Variants in CPEB3 observed in about 807,000 individuals in gnomAD.
The protein encoded by CPEB3 is cytoplasmic polyadenylation element-binding protein 3.
In CPEB3, 20 loss-of-function variants were observed where a neutral mutation model predicts 67.2. The ratio of observed to expected loss-of-function variants is 0.30; its 90% CI spans 0.21 to 0.43. The LOEUF is 0.43. Among genes scored for constraint, CPEB3 ranks in the 20% least tolerant of loss-of-function variants. The pLI is 1.00. For synonymous variants in CPEB3, 376 were observed against 393.1 expected, an observed-to-expected ratio of 0.96 and a Z score of 0.51; for missense variants, 746 against 968.6, an observed-to-expected ratio of 0.77 and a Z score of 3.05.
intron 1 of CPEB3, among the ~76,000 whole-genome samples, chr10:92,289,927 G>C (rs1564937077): frequency 9.4e-6 from 1 of 106,320 alleles, no homozygotes; most frequent in African/African-American, 5.1e-5. Context: ...TATGTGTGTG[G>C]TGGGGGGGGG....
At chr10:92,269,800 C>A (rs1333568709) in intron 1 of CPEB3, among the ~76,000 whole-genome samples, 1 of 152,038 alleles carries the variant, frequency 6.6e-6, no homozygotes, top group Non-Finnish European at 1.5e-5. Context: ...TCAGGTGATC[C>A]GCCCACCTCA....
rs1025247323 is a variant in CPEB3, at chr10:92,224,966, T to C, written c.1005+14380A>G. 5.4e-5 allele frequency among the ~76,000 whole-genome samples: 8 copies of C among 148,542 alleles called. No homozygotes were observed. The East Asian group carries it at 1.6e-3, about 29-fold the overall frequency. On this transcript the variant is annotated intron_variant, in intron 2 of 9. Coordinates refer to ENST00000265997, the MANE Select transcript of CPEB3 (RefSeq NM_014912.5). ...ATTTAAAAAAATGAACCCTACCCCA[T>C]TTTCTTTCTTTTTTTTTTTTATTTT... is the stretch of plus-strand genomic sequence containing the variant.
At chr10:92,147,215 G>A (rs1017383027) in intron 4 of CPEB3, among the ~76,000 whole-genome samples, 3 of 152,150 alleles carry the variant, frequency 2.0e-5, no homozygotes, top group Non-Finnish European at 4.4e-5. Context: ...CAGCACTTTG[G>A]GAGGCCGAGG....
intron 1 of CPEB3, among the ~76,000 whole-genome samples, chr10:92,258,458 T>C (rs1402044295): frequency 1.3e-5 from 2 of 151,612 alleles, no homozygotes; most frequent in Admixed American, 6.6e-5. Flanking sequence ...CATATGATAA[T>C]GAAATAGTGC....
chr10:92,150,805 C>T (rs1846930011), intron 4 of CPEB3, among the ~76,000 whole-genome samples: 1 of 152,044 alleles, frequency 6.6e-6, no homozygotes, highest in Non-Finnish European at 1.5e-5. Flanking sequence ...AAGCAAGCCA[C>T]ATTACTTATC....
chr10:92,173,737 C>G (rs142743922), intron 4 of CPEB3, among the ~76,000 whole-genome samples: 206 of 152,232 alleles, frequency 1.4e-3, no homozygotes, highest in African/African-American at 4.7e-3. Context: ...AAAGTCAAAA[C>G]AAAACCATCT....
chr10:92,085,791 G>C (rs937656080), intron 8 of CPEB3, among the ~76,000 whole-genome samples: 1 of 151,824 alleles, frequency 6.6e-6, no homozygotes, highest in Non-Finnish European at 1.5e-5. Flanking sequence ...TATATTTTTA[G>C]TAGAGATGGG....
intron 6 of CPEB3, among the ~76,000 whole-genome samples, chr10:92,133,092 A>G (rs1383854506): frequency 6.6e-6 from 1 of 152,220 alleles, no homozygotes; most frequent in African/African-American, 2.4e-5. Context: ...ACACCCTAAC[A>G]TCACAATTAA....
chr10:92,283,722 C>CTTTTTTTTTTTTTTTT (rs869248048), intron 1 of CPEB3, among the ~76,000 whole-genome samples: 9 of 108,948 alleles, frequency 8.3e-5, no homozygotes, highest in East Asian at 2.9e-4. Context: ...CTTTTTCTTT[C>CTTTTTTTTTTTTTTTT]TTTTTTTTTT....
chr10:92,105,692 G>A (rs906705942), intron 7 of CPEB3, among the ~76,000 whole-genome samples: 9 of 140,396 alleles, frequency 6.4e-5, no homozygotes, highest in African/African-American at 2.4e-4. Flanking sequence ...TAGATACTGT[G>A]TATTTATATA....
chr10:92,057,316 C>T (rs1403354106), intron 9 of CPEB3, among the ~76,000 whole-genome samples: 1 of 152,208 alleles, frequency 6.6e-6, no homozygotes, highest in Non-Finnish European at 1.5e-5. Context: ...CCTGGCAGTA[C>T]TTCTCATGGC....
chr10:92,229,333 C>A (rs979971623), intron 2 of CPEB3, among the ~76,000 whole-genome samples: 1 of 152,174 alleles, frequency 6.6e-6, no homozygotes, highest in African/African-American at 2.4e-5. Flanking sequence ...CACACCCAGC[C>A]TTCTCCTTAA....
At chr10:92,215,004 T>C (rs529520641) in intron 2 of CPEB3, among the ~76,000 whole-genome samples, 41 of 151,522 alleles carry the variant, frequency 2.7e-4, no homozygotes, top group African/African-American at 9.9e-4. Flanking sequence ...TATGCCACCA[T>C]ATCTGGCTAA....
intron 1 of CPEB3, among the ~76,000 whole-genome samples, chr10:92,275,881 C>T (rs939499258): frequency 1.6e-5 from 2 of 128,498 alleles, no homozygotes; most frequent in Middle Eastern, 6.1e-3. Context: ...CGAAGTCTTG[C>T]TCTGTCACCC....
rs552815749 is a variant in CPEB3 at position 92,245,644 on chromosome 10, T to C, written c.-11-5283A>G. ...TTTTGCCAAGGTGCTGTGGTCACTA[T>C]TTGGATTCCAAAATTTGCAAGGATC... On this transcript the variant is annotated intron_variant, in intron 1 of 9. Transcript: ENST00000265997. Among the ~76,000 whole-genome samples, 6 of 152,370 alleles carry C rather than the reference T, an allele frequency of 3.9e-5. No homozygotes were observed. In the South Asian group the frequency reaches 1.0e-3, roughly 26 times the overall value.
At chr10:92,180,118 TC>T (rs1848397837) in intron 4 of CPEB3, among the ~76,000 whole-genome samples, 2 of 152,046 alleles carry the variant, frequency 1.3e-5, no homozygotes, top group Admixed American at 1.3e-4. Flanking sequence ...AGGTATCTGA[TC>T]CATTGACACT....
chr10:92,130,383 G>A (rs766669813), intron 6 of CPEB3, among the ~76,000 whole-genome samples: 3 of 151,744 alleles, frequency 2.0e-5, no homozygotes, highest in African/African-American at 2.4e-5. Context: ...TGAGGTCCAG[G>A]ACCAAGTCAT....
intron 2 of CPEB3, among the ~76,000 whole-genome samples, chr10:92,212,476 T>C (rs1850146582): frequency 6.6e-6 from 1 of 152,086 alleles, no homozygotes; most frequent in Non-Finnish European, 1.5e-5. Flanking sequence ...CTCAAACTCC[T>C]GACCTCAGGT....
At chr10:92,236,765 C>T (rs752746488) in intron 2 of CPEB3, among the ~76,000 whole-genome samples, 6 of 148,892 alleles carry the variant, frequency 4.0e-5, no homozygotes, top group Non-Finnish European at 9.0e-5. Flanking sequence ...CACACACACA[C>T]ATAAAATACA....
Sources: allele counts gnomAD v4.1 joint callset (sites outside exome capture counted in the v4.1 genomes callset), GRCh38; gene constraint gnomAD v4.1.1; transcripts MANE v1.5; gene names NCBI Gene and HGNC (gene_info 2026-07-23, HGNC 2026-07-21).